EYS: variants seen among roughly 807,000 people sequenced by gnomAD.
EYS encodes the protein protein eyes shut homolog.
EYS carries 250 observed loss-of-function variants against 282.1 expected under a neutral mutation model. The observed-to-expected ratio is 0.89, with a 90% confidence interval of 0.80 to 0.98. The LOEUF is 0.98. Among genes scored for constraint, EYS ranks in the 50% least tolerant of loss-of-function variants. The pLI is 0.00. For synonymous variants in EYS, 1,355 were observed against 1,282.9 expected (o/e 1.06, Z -1.20); for missense variants, 4,016 against 3,709.0 (o/e 1.08, Z -2.15).
chr6:65,104,221 G>A (rs1025380577), intron 12 of EYS, among the ~76,000 whole-genome samples: 3 of 151,404 alleles, frequency 2.0e-5, no homozygotes, highest in East Asian at 3.9e-4. Context: ...AATAGTTAAC[G>A]ATTCTTTTCT....
chr6:64,745,685 GA>G (rs1772535907), intron 22 of EYS, among the ~76,000 whole-genome samples: 1 of 152,068 alleles, frequency 6.6e-6, no homozygotes, highest in Non-Finnish European at 1.5e-5. Context: ...CTGTAATCCA[GA>G]AAAATGGTAC....
intron 24 of EYS, among the ~76,000 whole-genome samples, chr6:64,603,636 C>T (rs1039758988): frequency 6.6e-6 from 1 of 151,982 alleles, no homozygotes; most frequent in Non-Finnish European, 1.5e-5. Context: ...GAAAGGAAAG[C>T]CCTTTCATGT....
chr6:65,680,047 GA>G (rs1252798322), intron 1 of EYS, among the ~76,000 whole-genome samples: 1 of 150,274 alleles, frequency 6.7e-6, no homozygotes, highest in Non-Finnish European at 1.5e-5. Flanking sequence ...TGCTTTATAT[GA>G]AAGCTTATAT....
intron 33 of EYS, among the ~76,000 whole-genome samples, chr6:64,010,059 G>A (rs1264080184): frequency 6.6e-6 from 1 of 150,646 alleles, no homozygotes; most frequent in South Asian, 2.1e-4. Flanking sequence ...AACTCTGGGG[G>A]GTGGGGCTGG....
chr6:65,619,463 T>C (rs1203982595), intron 2 of EYS, among the ~76,000 whole-genome samples: 1 of 152,202 alleles, frequency 6.6e-6, no homozygotes, highest in Non-Finnish European at 1.5e-5. Flanking sequence ...GCTGAGACAA[T>C]GGGGTTTTCC....
chr6:64,176,086 G>A (rs1408098873), intron 31 of EYS, among the ~76,000 whole-genome samples: 1 of 152,060 alleles, frequency 6.6e-6, no homozygotes, highest in East Asian at 1.9e-4. Context: ...AGTAAAGGCA[G>A]ATGGCACACA....
intron 35 of EYS, among the ~76,000 whole-genome samples, chr6:63,934,157 C>G (rs1227119325): frequency 6.6e-6 from 1 of 152,168 alleles, no homozygotes; most frequent in Non-Finnish European, 1.5e-5. Context: ...AAATGCTCAT[C>G]ATCACTGGCC....
intron 22 of EYS, among the ~76,000 whole-genome samples, chr6:64,783,797 T>C (rs1049856283): frequency 6.6e-6 from 1 of 152,166 alleles, no homozygotes; most frequent in African/African-American, 2.4e-5. Context: ...CATCCAAATT[T>C]TTTTAACATT....
At chr6:64,966,769 A>G (rs2150108970) in intron 14 of EYS, among the ~76,000 whole-genome samples, 1 of 152,290 alleles carries the variant, frequency 6.6e-6, no homozygotes, top group Admixed American at 6.5e-5. Context: ...TACATTTAGG[A>G]CACACACAGA....
chr6:63,725,300 T>A (rs539708434), intron 42 of EYS, among the ~76,000 whole-genome samples: 1 of 152,172 alleles, frequency 6.6e-6, no homozygotes, highest in South Asian at 2.1e-4. Context: ...TATTAGTGTG[T>A]ATGAGCTTTA....
chr6:63,988,957 AG>A (rs1199460215), intron 34 of EYS, among the ~76,000 whole-genome samples: 1 of 151,674 alleles, frequency 6.6e-6, no homozygotes, highest in Non-Finnish European at 1.5e-5. Flanking sequence ...AGGGTAGATA[AG>A]AAGCTGTCCT....
chr6:65,401,612 G>A (rs183839569), intron 7 of EYS, among the ~76,000 whole-genome samples: 1 of 151,694 alleles, frequency 6.6e-6, no homozygotes, highest in Admixed American at 6.6e-5. Context: ...TTTATTGTCA[G>A]TTCTTTTGAA....
At chr6:65,141,145 T>G (rs1302180894) in intron 12 of EYS, among the ~76,000 whole-genome samples, 1 of 151,922 alleles carries the variant, frequency 6.6e-6, no homozygotes, top group Non-Finnish European at 1.5e-5. Context: ...ATATACACCA[T>G]GGAATACTAT....
At chr6:63,858,064 C>A (rs1304359470) in intron 36 of EYS, among the ~76,000 whole-genome samples, 2 of 152,062 alleles carry the variant, frequency 1.3e-5, no homozygotes, top group Non-Finnish European at 2.9e-5. Flanking sequence ...GGGGAAGAGG[C>A]CGATGCATAA....
Position 63,788,208 on chromosome 6 carries a change from T to A in EYS, c.7620A>T (p.Arg2540Ser). The A allele has an allele frequency of 6.5e-7, 1 of 1,547,232 alleles. No homozygotes were observed. The highest frequency in any genetic ancestry group is 8.7e-7 in the Non-Finnish European group (1 of 1,145,526). ...GACTGAAGACATTGAGACCAACCAG[T>A]CTTCCTGGGGCGATAATGGATTTAT... ...HKNKSIIAPGRLVGLNVFSQF... is the reference protein window; with the variant it reads ...HKNKSIIAPGSLVGLNVFSQF... The change falls in exon 39 of 43, where the codon AGA becomes AGT. Residue 2540 changes from arginine to serine, a missense_variant. Transcript: ENST00000503581.
At chr6:65,128,016 G>A (rs565932553) in intron 12 of EYS, among the ~76,000 whole-genome samples, 176 of 152,066 alleles carry the variant, frequency 1.2e-3, no homozygotes, top group Non-Finnish European at 1.9e-4. Context: ...CAAAATGGAA[G>A]CAATTGTCTT....
At position 64,413,129 on chromosome 6, in the gene EYS, C is replaced by G. The variant is rs540461648; in HGVS notation, c.5927+23045G>C. 3.9e-5 allele frequency among the ~76,000 whole-genome samples: 6 copies of G among 152,216 alleles called. No individual in the cohort carries two copies. In the South Asian group the frequency reaches 1.2e-3, roughly 32 times the overall value. ...AATTCCCCTTCCTCACCTTGTGCAG[C>G]CATATATTCCCCACTCTCCCTTAAA... On this transcript the variant is annotated intron_variant, in intron 28 of 42. Coordinates refer to ENST00000503581, the MANE Select transcript of EYS (RefSeq NM_001142800.2).
intron 41 of EYS, among the ~76,000 whole-genome samples, chr6:63,746,257 G>A (rs1769208125): frequency 6.6e-6 from 1 of 152,212 alleles, no homozygotes; most frequent in African/African-American, 2.4e-5. Flanking sequence ...AACCAACCTT[G>A]TATCCCAGGG....
At chr6:65,212,013 A>C (rs181345746) in intron 12 of EYS, among the ~76,000 whole-genome samples, 9 of 152,232 alleles carry the variant, frequency 5.9e-5, no homozygotes, top group African/African-American at 2.2e-4. Context: ...ATTATGGAAA[A>C]CACCATTGTG....
Sources: gnomAD v4.1 joint callset for allele counts (sites outside exome capture counted in the v4.1 genomes callset) on GRCh38, gnomAD v4.1.1 for gene constraint, MANE v1.5 for transcripts, NCBI Gene and HGNC (gene_info 2026-07-23, HGNC 2026-07-21) for gene names.